AVEN: variants seen among roughly 807,000 people sequenced by gnomAD.
AVEN encodes cell death regulator Aven.
AVEN carries 41 observed loss-of-function variants against 38.1 expected under a neutral mutation model. That is an observed-to-expected ratio of 1.08 (90% CI 0.84 to 1.40). AVEN has a LOEUF of 1.40. Among genes scored for constraint, AVEN ranks in the 40% most tolerant of loss-of-function variants. The pLI is 0.00. For missense variants in AVEN, 605 were observed against 438.8 expected (o/e 1.38, Z -3.38); for synonymous variants, 206 against 171.8 (o/e 1.20, Z -1.56).
At chr15:33,889,572 T>G (rs565425560) in intron 2 of AVEN, among the ~76,000 whole-genome samples, 2 of 135,232 alleles carry the variant, frequency 1.5e-5, no homozygotes, top group Non-Finnish European at 3.1e-5. Flanking sequence ...TTCAACCCAA[T>G]GGACATGAAA....
At chr15:34,018,064 T>C (rs1898024792) in intron 1 of AVEN, among the ~76,000 whole-genome samples, 1 of 152,228 alleles carries the variant, frequency 6.6e-6, no homozygotes, top group African/African-American at 2.4e-5. Context: ...GTATTTACTA[T>C]ATTATACTTT....
chr15:33,941,407 G>A (rs755347024), intron 2 of AVEN, among the ~76,000 whole-genome samples: 9 of 151,960 alleles, frequency 5.9e-5, no homozygotes, highest in Non-Finnish European at 1.3e-4. Flanking sequence ...CGAACAGTAA[G>A]ACTTTCCTCC....
chr15:33,857,627 C>T (rs1472710427), downstream of AVEN, among the ~76,000 whole-genome samples: 3 of 152,110 alleles, frequency 2.0e-5, no homozygotes, highest in Non-Finnish European at 4.4e-5. Context: ...CTGCTCATGG[C>T]CTGATAGCTT....
intron 1 of AVEN, among the ~76,000 whole-genome samples, chr15:34,016,413 C>G (rs951506148): frequency 2.0e-5 from 3 of 152,162 alleles, no homozygotes; most frequent in African/African-American, 4.8e-5. Flanking sequence ...CTGACCTCTC[C>G]ATCTCACCTG....
At chr15:33,860,597 C>G in intron 11 of AVEN, 1 of 1,579,192 alleles carries the variant, frequency 6.3e-7, no homozygotes, top group Non-Finnish European at 8.6e-7. Context: ...CATTCCAGGT[C>G]TTATTATTGA....
downstream of AVEN, chr15:33,855,969 C>G (rs2079615695): frequency 6.6e-6 from 1 of 152,056 alleles, no homozygotes; most frequent in African/African-American, 2.4e-5. Context: ...AACCTTTGTA[C>G]GGGAGAGGGA....
At chr15:34,012,389 C>T (rs971290289) in intron 1 of AVEN, among the ~76,000 whole-genome samples, 1 of 152,124 alleles carries the variant, frequency 6.6e-6, no homozygotes, top group Admixed American at 6.5e-5. Context: ...TATATAAATA[C>T]CCTGAGCATT....
chr15:34,034,446 T>TA (rs34205777), intron 1 of AVEN, among the ~76,000 whole-genome samples: 70,150 of 143,434 alleles, frequency 0.49, 19,241 homozygotes, highest in Non-Finnish European at 0.63. Context: ...GTTTCTTTTT[T>TA]AAAAAAAAAA....
chr15:34,040,410 T>C (rs964035550), upstream of AVEN, among the ~76,000 whole-genome samples: 3 of 151,904 alleles, frequency 2.0e-5, no homozygotes, highest in Admixed American at 1.3e-4. Flanking sequence ...TAAATGGGAG[T>C]AGGGGCGCCT....
chr15:33,935,488 G>GTATATATGTGTA (rs1555508296), intron 2 of AVEN, among the ~76,000 whole-genome samples: 1 of 151,626 alleles, frequency 6.6e-6, no homozygotes, highest in South Asian at 2.1e-4. Context: ...GTATATATGT[G>GTATATATGTGTA]TATATATATG....
chr15:33,854,690 A>C (rs1365868801), downstream of AVEN: 22 of 1,527,096 alleles, frequency 1.4e-5, no homozygotes, highest in Non-Finnish European at 1.8e-5. Flanking sequence ...GTGTCTCCCA[A>C]AATAAGAAAA....
chr15:34,004,733 G>T (rs1019088293), intron 1 of AVEN, among the ~76,000 whole-genome samples: 1 of 152,102 alleles, frequency 6.6e-6, no homozygotes, highest in East Asian at 1.9e-4. Flanking sequence ...TACTTAATTG[G>T]TAATTGCTGA....
chr15:33,869,354 A>G (rs1890838498), intron 4 of AVEN, among the ~76,000 whole-genome samples: 1 of 152,150 alleles, frequency 6.6e-6, no homozygotes, highest in African/African-American at 2.4e-5. Flanking sequence ...TTATACCTTT[A>G]ATGCCTGCCA....
chr15:34,047,262 A>G (rs1597386191), intron 5 of AVEN, among the ~76,000 whole-genome samples: 7 of 152,054 alleles, frequency 4.6e-5, no homozygotes, highest in Admixed American at 4.6e-4. Context: ...TATTTTTAGT[A>G]GAGACGGGGT....
At chr15:34,036,361 A>G (rs1899125878) in intron 1 of AVEN, among the ~76,000 whole-genome samples, 2 of 152,174 alleles carry the variant, frequency 1.3e-5, no homozygotes, top group Non-Finnish European at 2.9e-5. Flanking sequence ...CAAAATAGAA[A>G]GCAAAGGTGT....
At chr15:33,912,408 T>A (rs990842126) in intron 2 of AVEN, among the ~76,000 whole-genome samples, 16 of 152,218 alleles carry the variant, frequency 1.1e-4, no homozygotes, top group African/African-American at 3.9e-4. Context: ...GGAAAGAGTA[T>A]GAAATAACCT....
At position 34,003,123 on chromosome 15, in the gene AVEN, C is replaced by A. The variant is rs140643322; in HGVS notation, c.354G>T (p.Trp118Cys). 9.1e-5 allele frequency: 147 copies of A among 1,613,768 alleles called. No individual in the cohort carries two copies. Among genetic ancestry groups the A allele is most frequent in the Admixed American group, 1.3e-4 (8 of 59,998 alleles). Residue 118 changes from tryptophan to cysteine, a missense_variant, in exon 2 of 6, where the codon TGG becomes TGT. Transcript: ENST00000306730. ...CTTTTTCAATATCTTGATATCGATC[C>A]CAGTTAGAGACAATCTTTCTTTTAG... ...NYSKRKIVSN[W>C]DRYQDIEKEV...
At chr15:34,055,873 C>T (rs1023897268) in intron 5 of AVEN, among the ~76,000 whole-genome samples, 2 of 152,104 alleles carry the variant, frequency 1.3e-5, no homozygotes, top group Admixed American at 1.3e-4. Context: ...CACCCTTCTA[C>T]AATTTAACAA....
downstream of AVEN, chr15:33,857,763 T>C: frequency 6.2e-7 from 1 of 1,613,892 alleles, no homozygotes. Context: ...TTCCTTTCTC[T>C]GTCCTCTCAT....
Sources: allele counts gnomAD v4.1 joint callset (sites outside exome capture counted in the v4.1 genomes callset), GRCh38; gene constraint gnomAD v4.1.1; transcripts MANE v1.5; gene names NCBI Gene and HGNC (gene_info 2026-07-23, HGNC 2026-07-21).